Variants in GLB1L2 observed in about 807,000 individuals in gnomAD.
The protein encoded by GLB1L2 is beta-galactosidase-1-like protein 2.
GLB1L2 carries 68 observed loss-of-function variants against 84.1 expected under a neutral mutation model. The observed-to-expected ratio is 0.81, with a 90% CI of 0.67 to 0.99. GLB1L2 has a LOEUF of 0.99. Among genes scored for constraint, GLB1L2 ranks in the 50% least tolerant of loss-of-function variants. The pLI is 0.00. For synonymous variants in GLB1L2, 290 were observed against 318.0 expected (o/e 0.91, Z 0.94); for missense variants, 762 against 805.6 (o/e 0.95, Z 0.66).
intron 4 of GLB1L2, 56 bp downstream of exon 4, chr11:134,345,185 G>T: frequency 6.7e-7 from 1 of 1,498,712 alleles, no homozygotes; most frequent in Non-Finnish European, 9.0e-7. Context: ...ACAGACATAG[G>T]TCTGGTTTGT....
In GLB1L2 at chr11:134,374,266, G is replaced by C; in HGVS notation, c.1707+10G>C. 6.3e-7 allele frequency: 1 copy of C among 1,580,962 alleles called. No individual in the cohort carries two copies. Among genetic ancestry groups the C allele is most frequent in the East Asian group, 2.2e-5 (1 of 44,686 alleles). ...CTTTCTGAAGCTGGAGGTTGGTAAC[G>C]CCCTTTTCCCTGCCAGTTTCTCCCA... On this transcript the variant is annotated intron_variant, in intron 17 of 18. Transcript: ENST00000535456.
At chr11:134,351,114 G>A (rs1943624956) in intron 5 of GLB1L2, among the ~76,000 whole-genome samples, 2 of 152,222 alleles carry the variant, frequency 1.3e-5, no homozygotes, top group Non-Finnish European at 2.9e-5. Flanking sequence ...TGATCGTAGA[G>A]GAAAAGTTTT....
intron 5 of GLB1L2, among the ~76,000 whole-genome samples, chr11:134,353,823 GTC>G (rs1310233366): frequency 3.9e-5 from 6 of 152,066 alleles, no homozygotes; most frequent in African/African-American, 1.2e-4. Context: ...TTGATATAAA[GTC>G]TATTTTGTTT....
In GLB1L2 at chr11:134,364,348, C is replaced by T. The variant is rs747938335; in HGVS notation, c.754C>T (p.Gln252Ter). The change falls in exon 8 of 19, where the codon CAG (glutamine) becomes TAG (stop). Residue 252 changes from glutamine to a stop codon, truncating the protein, a stop_gained. Transcript: ENST00000535456. LOFTEE classifies it high-confidence loss of function. The part of the protein sequence containing the change: ...VQGVLATINL[Q>*]STHELQLLTT... ...AACAGTCTTGGCCACCATCAACTTGCAGTCAACACACGAGCTGCAGCTACT... is the reference window on the plus strand; with the variant it reads ...AACAGTCTTGGCCACCATCAACTTGTAGTCAACACACGAGCTGCAGCTACT... 5.6e-6 allele frequency: 9 copies of T among 1,613,800 alleles called. No homozygotes were observed. Among genetic ancestry groups the T allele is most frequent in the Non-Finnish European group, 6.8e-6 (8 of 1,179,858 alleles).
intron 1 of GLB1L2, among the ~76,000 whole-genome samples, chr11:134,336,827 T>G (rs1387632273): frequency 6.6e-6 from 1 of 152,188 alleles, no homozygotes; most frequent in African/African-American, 2.4e-5. Flanking sequence ...ACAAGCATCT[T>G]GAAGATCAGG....
Position 134,364,412 on chromosome 11 carries a change from C to G in GLB1L2, c.804+14C>G. The G allele has an allele frequency of 1.9e-6, 3 of 1,610,060 alleles. No homozygotes were observed. The highest frequency in any genetic ancestry group is 2.5e-6 in the Non-Finnish European group (3 of 1,176,748). On this transcript the variant is annotated intron_variant, in intron 8 of 18. Transcript: ENST00000535456. ...TTCAACGTCCAGGTAAGTCCAGCCC[C>G]AGGGAAGCTGCGGCCCGCCCTGCTC...
intron 5 of GLB1L2, among the ~76,000 whole-genome samples, chr11:134,347,839 G>A (rs1943573154): frequency 6.6e-6 from 1 of 152,142 alleles, no homozygotes; most frequent in South Asian, 2.1e-4. Flanking sequence ...GCACAGGGTG[G>A]AGCACATGTG....
chr11:134,369,300 C>G (rs1308976310), intron 10 of GLB1L2, among the ~76,000 whole-genome samples: 4 of 152,214 alleles, frequency 2.6e-5, no homozygotes, highest in Non-Finnish European at 4.4e-5. Context: ...TCAAGTGATC[C>G]TCCTGCTTCG....
chr11:134,363,090 A>G (rs1376572199), intron 7 of GLB1L2, among the ~76,000 whole-genome samples: 1 of 152,124 alleles, frequency 6.6e-6, no homozygotes, highest in Non-Finnish European at 1.5e-5. Flanking sequence ...CTTTGAGTTC[A>G]GCCTGCTCAG....
At chr11:134,333,100 A>G (rs1480613661) in intron 1 of GLB1L2, among the ~76,000 whole-genome samples, 1 of 152,120 alleles carries the variant, frequency 6.6e-6, no homozygotes, top group Non-Finnish European at 1.5e-5. Flanking sequence ...GAAGTTTTTG[A>G]TGGAGATAAA....
chr11:134,353,147 G>A (rs1414640757), intron 5 of GLB1L2, among the ~76,000 whole-genome samples: 1 of 152,052 alleles, frequency 6.6e-6, no homozygotes, highest in Non-Finnish European at 1.5e-5. Context: ...GGTGGCTCAT[G>A]CCTGTAATCC....
chr11:134,341,999 T>C (rs1345144150), intron 1 of GLB1L2, among the ~76,000 whole-genome samples: 1 of 116,068 alleles, frequency 8.6e-6, no homozygotes, highest in Admixed American at 8.2e-5. Flanking sequence ...CACGCCCTTG[T>C]TTCATGCCTC....
chr11:134,371,628 T>G (rs1233648767), intron 14 of GLB1L2, 124 bp from the exon 15 acceptor site: 1 of 1,118,766 alleles, frequency 8.9e-7, no homozygotes. Flanking sequence ...GAGTGTGGCT[T>G]TCTGCCCAGC....
chr11:134,343,170 A>G (rs556167249), intron 2 of GLB1L2, among the ~76,000 whole-genome samples: 43 of 152,318 alleles, frequency 2.8e-4, no homozygotes, highest in African/African-American at 1.0e-3. Flanking sequence ...AATGTCGCAC[A>G]AAAGAGTATA....
At chr11:134,366,925 C>T (rs1943873489) in intron 8 of GLB1L2, 1 of 350,112 alleles carries the variant, frequency 2.9e-6, no homozygotes, top group South Asian at 2.6e-5. Context: ...CATCCCCCTT[C>T]CCTGGAAGAG....
intron 5 of GLB1L2, among the ~76,000 whole-genome samples, chr11:134,352,905 C>T (rs972339653): frequency 3.9e-5 from 6 of 152,070 alleles, no homozygotes; most frequent in Admixed American, 2.0e-4. Context: ...GCCTTGGCCT[C>T]CCAAAGTGCT....
Position 134,368,665 on chromosome 11 carries a change from C to T in GLB1L2, c.911C>T (p.Ala304Val). 1 of 1,613,766 alleles carries T rather than the reference C, an allele frequency of 6.2e-7. No individual in the cohort carries two copies. Among genetic ancestry groups the T allele is most frequent in the Non-Finnish European group, 8.5e-7 (1 of 1,179,958 alleles). Residue 304 changes from alanine (A) to valine (V), a missense_variant, in exon 10 of 19, where the codon GCC becomes GTC. Ala to Val is a moderately conservative substitution (Grantham distance 64). Coordinates refer to ENST00000535456, the MANE Select transcript of GLB1L2 (RefSeq NM_001370461.1). ...GCAGAGGTTTTGAAAACCGTGTCTG[C>T]CATTGTGGACGCCGGCTCCTCCATC... ...DSSEVLKTVS[A>V]IVDAGSSINL... is the part of the protein sequence containing the mutation.
chr11:134,364,524 C>T (rs889589071), intron 8 of GLB1L2, 126 bp downstream of exon 8: 10 of 745,556 alleles, frequency 1.3e-5, no homozygotes, highest in Non-Finnish European at 1.6e-5. Flanking sequence ...GGCCTCTGGC[C>T]CCCCGCCCAT....
chr11:134,335,768 G>A (rs999069877), intron 1 of GLB1L2, among the ~76,000 whole-genome samples: 1 of 151,982 alleles, frequency 6.6e-6, no homozygotes, highest in Non-Finnish European at 1.5e-5. Flanking sequence ...TTGATGAAGT[G>A]GTGCAGAGTT....
Sources: allele counts gnomAD v4.1 joint callset (sites outside exome capture counted in the v4.1 genomes callset), GRCh38; gene constraint gnomAD v4.1.1; transcripts MANE v1.5; gene names NCBI Gene and HGNC (gene_info 2026-07-23, HGNC 2026-07-21).